PRIM2: variants seen among roughly 807,000 people sequenced by gnomAD.
PRIM2 encodes the protein DNA primase large subunit.
Under a neutral mutation model 67.3 loss-of-function variants are expected in PRIM2, and 39 were observed. The observed-to-expected ratio is 0.58, with a 90% CI of 0.45 to 0.76. The LOEUF is 0.76. Among genes scored for constraint, PRIM2 ranks in the 30% least tolerant of loss-of-function variants. The probability of loss-of-function intolerance (pLI) is 0.00; values close to 1 mark genes in which losing one functional copy is unlikely to be tolerated. For missense variants in PRIM2, 398 were observed against 598.7 expected (o/e 0.66, Z 3.50); for synonymous variants, 143 against 198.7 (o/e 0.72, Z 2.36).
chr6:57,637,637 G>A (rs1777148445), intron 13 of PRIM2, among the ~76,000 whole-genome samples: 1 of 152,104 alleles, frequency 6.6e-6, no homozygotes, highest in Non-Finnish European at 1.5e-5. Flanking sequence ...GAATTGACAA[G>A]CGGAAGAACA....
intron 11 of PRIM2, among the ~76,000 whole-genome samples, chr6:57,604,511 A>G (rs1375954178): frequency 1.3e-5 from 2 of 151,886 alleles, no homozygotes; most frequent in African/African-American, 4.8e-5. Flanking sequence ...TTTGAGTAAG[A>G]GTGGTGAGAG....
chr6:57,430,281 AGGT>A (rs1771772317), intron 7 of PRIM2, among the ~76,000 whole-genome samples: 2 of 152,152 alleles, frequency 1.3e-5, no homozygotes. Flanking sequence ...TGAAGGGAAT[AGGT>A]GAACTAATTG....
intron 7 of PRIM2, among the ~76,000 whole-genome samples, chr6:57,456,153 C>T (rs1325589414): frequency 6.6e-6 from 1 of 152,174 alleles, no homozygotes; most frequent in African/African-American, 2.4e-5. Flanking sequence ...GCCGAGAGAT[C>T]CGCTGTTAGT....
At chr6:57,308,830 G>A in the PRIM2 span, among the ~76,000 whole-genome samples, 1 of 150,834 alleles carries the variant, frequency 6.6e-6, no homozygotes, top group Non-Finnish European at 1.5e-5. Flanking sequence ...TACTTGTTCA[G>A]GTTCCCTTTC....
chr6:57,424,368 AAAC>A (rs1771555400), intron 7 of PRIM2, among the ~76,000 whole-genome samples: 1 of 152,208 alleles, frequency 6.6e-6, no homozygotes, highest in Non-Finnish European at 1.5e-5. Context: ...GGGAGAGATT[AAAC>A]AACATTGAGA....
At chr6:57,547,970 G>C (rs1775322947) in intron 10 of PRIM2, among the ~76,000 whole-genome samples, 1 of 152,168 alleles carries the variant, frequency 6.6e-6, no homozygotes, top group Non-Finnish European at 1.5e-5. Flanking sequence ...TTGGGAATTT[G>C]TTAGAAATGT....
At chr6:57,256,009 GCACACACACACACATA>G in the PRIM2 span, among the ~76,000 whole-genome samples, 34 of 133,650 alleles carry the variant, frequency 2.5e-4, no homozygotes, top group South Asian at 1.1e-3. Flanking sequence ...ATTTAGACAC[GCACACACACACACATA>G]CACACACACA....
chr6:57,328,190 G>C (rs1283484167), intron 5 of PRIM2, among the ~76,000 whole-genome samples: 2 of 152,098 alleles, frequency 1.3e-5, no homozygotes, highest in Non-Finnish European at 2.9e-5. Flanking sequence ...TTAAATAATA[G>C]ATTTATTGAG....
intron 7 of PRIM2, among the ~76,000 whole-genome samples, chr6:57,417,443 A>G (rs2127368785): frequency 6.6e-6 from 1 of 152,340 alleles, no homozygotes; most frequent in South Asian, 2.1e-4. Context: ...CATTTGATTT[A>G]AAGTGAGAGA....
intron 5 of PRIM2, among the ~76,000 whole-genome samples, chr6:57,360,605 C>G (rs910514359): frequency 1.3e-5 from 2 of 152,122 alleles, no homozygotes; most frequent in Admixed American, 6.6e-5. Context: ...ATGGGAGTAT[C>G]GTGGATGAAT....
At chr6:57,254,766 C>A in the PRIM2 span, among the ~76,000 whole-genome samples, 1 of 152,074 alleles carries the variant, frequency 6.6e-6, no homozygotes, top group Non-Finnish European at 1.5e-5. Context: ...TAGCAGGAGA[C>A]AAGATAAGGG....
intron 7 of PRIM2, among the ~76,000 whole-genome samples, chr6:57,395,166 G>A (rs1770479783): frequency 6.6e-6 from 1 of 152,152 alleles, no homozygotes; most frequent in African/African-American, 2.4e-5. Context: ...TTAGGGCGAT[G>A]CTGGTTTCAT....
At chr6:57,503,478 G>A (rs1461848194) in intron 7 of PRIM2, among the ~76,000 whole-genome samples, 13 of 152,228 alleles carry the variant, frequency 8.5e-5, no homozygotes, top group Non-Finnish European at 4.4e-5. Context: ...GCTGGGTGCA[G>A]TGGCTCACGT....
chr6:57,391,325 TA>T (rs1770338101), intron 7 of PRIM2, among the ~76,000 whole-genome samples: 1 of 146,576 alleles, frequency 6.8e-6, no homozygotes, highest in African/African-American at 2.6e-5. Context: ...TTCCATTCTG[TA>T]GGTTGTCTGT....
At chr6:57,623,411 T>C (rs1776892370) in intron 12 of PRIM2, among the ~76,000 whole-genome samples, 1 of 152,208 alleles carries the variant, frequency 6.6e-6, no homozygotes, top group African/African-American at 2.4e-5. Flanking sequence ...AGCCTATTAA[T>C]TAAAACTTAT....
At chr6:57,477,247 C>T (rs1330638116) in intron 7 of PRIM2, among the ~76,000 whole-genome samples, 76 of 152,174 alleles carry the variant, frequency 5.0e-4, no homozygotes, top group South Asian at 1.0e-3. Flanking sequence ...CCCACCTCAG[C>T]CCCCTAAAGT....
rs367713548 is a variant in PRIM2 at position 57,366,975 on chromosome 6, G to C, written c.460-12926G>C. Among the ~76,000 whole-genome samples, 1,208 of 151,920 alleles carry C rather than the reference G, an allele frequency of 8.0e-3. 20 individuals carry two copies. The highest frequency in any genetic ancestry group is 0.028 in the African/African-American group (1,151 of 41,418). On this transcript the variant is annotated intron_variant, in intron 5 of 13. Transcript: ENST00000615550. ...TTTTCTTGTAGAAGAGATGAAATAT[G>C]CTTTAGTATAAGTAAATAATCTTTC...
chr6:57,584,042 G>T (rs1192434049), intron 10 of PRIM2, among the ~76,000 whole-genome samples: 27 of 151,868 alleles, frequency 1.8e-4, no homozygotes, highest in Admixed American at 1.6e-3. Context: ...TGTTACCCTG[G>T]TTTTTTTTGT....
At chr6:57,643,870 A>G (rs1480406917) in intron 13 of PRIM2, among the ~76,000 whole-genome samples, 2 of 152,188 alleles carry the variant, frequency 1.3e-5, no homozygotes, top group East Asian at 3.9e-4. Context: ...AAATTAGCCT[A>G]ACATGTATTA....
Sources: gnomAD v4.1 joint callset for allele counts (sites outside exome capture counted in the v4.1 genomes callset) on GRCh38, gnomAD v4.1.1 for gene constraint, MANE v1.5 for transcripts, NCBI Gene and HGNC (gene_info 2026-07-23, HGNC 2026-07-21) for gene names.